MS4A2: variants seen among roughly 807,000 people sequenced by gnomAD.
The protein encoded by MS4A2 is high affinity immunoglobulin epsilon receptor subunit beta.
A neutral mutation model predicts 27.9 loss-of-function variants in MS4A2; 26 were observed. That is an observed-to-expected ratio of 0.93 (90% confidence interval 0.68 to 1.29). The LOEUF is 1.29. MS4A2 is among the 50% of genes most tolerant of loss of function. The probability of loss-of-function intolerance (pLI) is 0.00; values close to 1 mark genes in which losing one functional copy is unlikely to be tolerated. For missense variants in MS4A2, 284 were observed against 284.6 expected (o/e 1.00, Z 0.01); for synonymous variants, 110 against 98.8 (o/e 1.11, Z -0.67).
chr11:60,093,089 TAA>T (rs1246839596), intron 4 of MS4A2, among the ~76,000 whole-genome samples: 1 of 152,176 alleles, frequency 6.6e-6, no homozygotes, highest in Non-Finnish European at 1.5e-5. Context: ...ACGTTTCTTC[TAA>T]AAAAAGTGTC....
At chr11:60,092,915 T>C in intron 4 of MS4A2, 67 bp downstream of exon 4, 1 of 1,441,812 alleles carries the variant, frequency 6.9e-7, no homozygotes. Flanking sequence ...TTAAGAGTCT[T>C]AAGGGAAACA....
intron 2 of MS4A2, among the ~76,000 whole-genome samples, chr11:60,090,023 G>A (rs754345412): frequency 1.3e-5 from 2 of 152,172 alleles, no homozygotes; most frequent in Admixed American, 1.3e-4. Flanking sequence ...TTGCTAGGAC[G>A]AGAATGGCCA....
intron 3 of MS4A2, 24 bp from the exon 4 acceptor site, chr11:60,092,768 T>C (rs74337069): frequency 6.2e-7 from 1 of 1,601,600 alleles, no homozygotes; most frequent in Non-Finnish European, 8.5e-7. Context: ...TCATTGTGGC[T>C]TTTTTTTCCT....
chr11:60,088,850 C>G, intron 1 of MS4A2, 29 bp downstream of exon 1: 2 of 1,596,600 alleles, frequency 1.3e-6, no homozygotes, highest in Non-Finnish European at 1.7e-6. Context: ...TTTTTTCTAC[C>G]CTCAGTCACT....
rs1197460429 is a variant in MS4A2, at chr11:60,090,595, AT to A, written c.321+126del. On this transcript the variant is annotated intron_variant, in intron 3 of 6. Coordinates refer to ENST00000278888, the MANE Select transcript of MS4A2 (RefSeq NM_000139.5). ...TTTATAATTCTTAATTATAAATTAT[AT>A]GTGAGCATATATAACATAGATATGC... The A allele has an allele frequency of 5.8e-6, 5 of 854,742 alleles. No individual in the cohort carries two copies. The Admixed American group carries it at 1.4e-4, about 24-fold the overall frequency. The allele number at this position is 854,742 out of a possible 1,614,324, so 52.9% of individuals were successfully genotyped here. A position where few individuals can be genotyped will look rare whatever the true frequency, so the allele number is the denominator to read the frequency against.
At position 60,097,322 on chromosome 11, in the gene MS4A2, A is replaced by G. The variant is rs1394044711; in HGVS notation, c.*1666A>G. 3 of 152,248 alleles carry G rather than the reference A, an allele frequency of 2.0e-5. No homozygotes were observed. Among genetic ancestry groups the G allele is most frequent in the Non-Finnish European group, 4.4e-5 (3 of 68,040 alleles). 9.4% of individuals were successfully genotyped at this position (152,248 alleles called of 1,614,324 possible). On this transcript the variant is annotated 3_prime_UTR_variant, in exon 7 of 7. Coordinates refer to ENST00000278888, the MANE Select transcript of MS4A2 (RefSeq NM_000139.5). ...AAAATAAGTATCCATCAGAGACAGT[A>G]TCTCTAGGCTTGGGCAAGAGAAAAG...
chr11:60,089,562 A>G, intron 1 of MS4A2, 130 bp from the exon 2 acceptor site: 2 of 1,241,134 alleles, frequency 1.6e-6, no homozygotes. Flanking sequence ...TTTCTTGGTG[A>G]TTACAATGAA....
At chr11:60,090,766 A>G (rs1216964681) in intron 3 of MS4A2, among the ~76,000 whole-genome samples, 2 of 152,232 alleles carry the variant, frequency 1.3e-5, no homozygotes, top group Admixed American at 1.3e-4. Flanking sequence ...TTGAACCTAA[A>G]CTTTCAGAAT....
At chr11:60,089,397 A>G (rs1855714897) in intron 1 of MS4A2, among the ~76,000 whole-genome samples, 2 of 152,220 alleles carry the variant, frequency 1.3e-5, no homozygotes, top group Non-Finnish European at 2.9e-5. Context: ...TTTCAGTTTT[A>G]CTTGTCAACA....
At chr11:60,089,629 C>G (rs34248648) in intron 1 of MS4A2, 63 bp from the exon 2 acceptor site, 1 of 1,604,448 alleles carries the variant, frequency 6.2e-7, no homozygotes, top group Non-Finnish European at 8.5e-7. Flanking sequence ...TTCTGTCTGT[C>G]GAGAATGTTG....
rs149172443 is a variant in MS4A2 at position 60,089,747 on chromosome 11, C to G, written c.112C>G (p.Leu38Val). ...TCCCCAGGAAGTATCTTCAGGCAGA[C>G]TATTGAAGTCGGCCTCATCCCCACC... ...ISPQEVSSGR[L>V]LKSASSPPLH... The change falls in exon 2 of 7, where the codon CTA (leucine) becomes GTA (valine). Residue 38 changes from leucine to valine, a missense_variant. Leu to Val is a conservative substitution (Grantham distance 32, BLOSUM62 1). Coordinates refer to ENST00000278888, the MANE Select transcript of MS4A2 (RefSeq NM_000139.5). 2.8e-4 allele frequency: 450 copies of G among 1,614,202 alleles called. 2 individuals are homozygous for G. The African/African-American group carries it at 5.3e-3, about 19-fold the overall frequency.
chr11:60,089,427 T>A (rs960270685), intron 1 of MS4A2, among the ~76,000 whole-genome samples: 8 of 152,198 alleles, frequency 5.3e-5, no homozygotes, highest in Non-Finnish European at 1.2e-4. Flanking sequence ...GAGAAAGAAC[T>A]TGAAAGTAAC....
rs1394253459 is a variant in MS4A2 at position 60,093,476 on chromosome 11, TGAAGAAGAGCTTG to T, written c.457_469del (p.Lys153ProfsTer26). 3 of 1,614,200 alleles carry T rather than the reference TGAAGAAGAGCTTG, an allele frequency of 1.9e-6. No homozygotes were observed. In the African/African-American group the frequency reaches 4.0e-5, roughly 22 times the overall value. ...GGAATTACCATCCTGATCATCAACC[TGAAGAAGAGCTTG>T]GCCTATATCCACATCCACAGTTGCC... On this transcript the variant is annotated frameshift_variant, in exon 5 of 7. Transcript: ENST00000278888. LOFTEE classifies it high-confidence loss of function.
chr11:60,093,447 A>C lies in MS4A2; in HGVS notation c.426A>C (p.Gly142=), dbSNP rs1855805430. The change falls in exon 5 of 7, where the codon GGA becomes GGC. Residue 142 remains glycine (G), a synonymous_variant. Coordinates refer to ENST00000278888, the MANE Select transcript of MS4A2 (RefSeq NM_000139.5). ...ACACTGCCAGCAGCATAGCTGGGGG[A>C]ACGGGAATTACCATCCTGATCATCA... ...GANTASSIAG[G]TGITILIINL... 3.1e-6 allele frequency: 5 copies of C among 1,614,150 alleles called. No individual in the cohort carries two copies. The African/African-American group carries it at 6.7e-5, about 22-fold the overall frequency.
At position 60,094,011 on chromosome 11, in the gene MS4A2, T is replaced by G. The variant is rs1460049563; in HGVS notation, c.585T>G (p.Ser195Arg). ...MLFLTILGLG[S>R]AVSLTICGAG... is the part of the protein sequence containing the mutation. ...TTCTCACCATTCTGGGACTTGGTAG[T>G]GCTGTGTCACTCACAATCTGTGGAG... is the stretch of plus-strand genomic sequence containing the variant. Residue 195 changes from serine to arginine, a missense_variant, in exon 6 of 7, where the codon AGT becomes AGG. Transcript: ENST00000278888. 1.2e-6 allele frequency: 2 copies of G among 1,614,022 alleles called. No individual in the cohort carries two copies. The highest frequency in any genetic ancestry group is 2.7e-5 in the African/African-American group (2 of 74,932).
At chr11:60,092,141 A>T (rs1471786870) in intron 3 of MS4A2, among the ~76,000 whole-genome samples, 1 of 152,050 alleles carries the variant, frequency 6.6e-6, no homozygotes, top group East Asian at 1.9e-4. Flanking sequence ...TCATGCCCTG[A>T]TGTTGCTGGA....
rs768252306 is a variant in MS4A2 at position 60,090,324 on chromosome 11, G to T, written c.187-12G>T. 6.8e-6 allele frequency: 11 copies of T among 1,611,658 alleles called. No homozygotes were observed. In the Admixed American group the frequency reaches 1.7e-4, roughly 24 times the overall value. ...TTTTTGATTTTCATGAAATTCATGT[G>T]TTTTTCTATAGGTAACACAAATTCT... is the stretch of plus-strand genomic sequence containing the variant. On this transcript the variant is annotated splice_polypyrimidine_tract_variant and intron_variant, in intron 2 of 6. Coordinates refer to ENST00000278888, the MANE Select transcript of MS4A2 (RefSeq NM_000139.5).
chr11:60,095,715 G>T lies in MS4A2; in HGVS notation c.*59G>T, dbSNP rs1855858206. 6.1e-6 allele frequency: 7 copies of T among 1,151,472 alleles called. No individual in the cohort carries two copies. The highest frequency in any genetic ancestry group is 9.2e-6 in the Non-Finnish European group (7 of 759,686). 71.3% of individuals were successfully genotyped at this position (1,151,472 alleles called of 1,614,324 possible). A position where few individuals can be genotyped will look rare whatever the true frequency, so the allele number is the denominator to read the frequency against. ...CAAGGATCCAGAAGGCCAAGGTCTT[G>T]TTAAGGGGCTACTGGAAAAATTTCT... On this transcript the variant is annotated 3_prime_UTR_variant, in exon 7 of 7. Transcript: ENST00000278888.
intron 3 of MS4A2, among the ~76,000 whole-genome samples, chr11:60,090,866 C>T (rs1343030226): frequency 6.6e-6 from 1 of 152,082 alleles, no homozygotes; most frequent in Admixed American, 6.6e-5. Flanking sequence ...AAAATAACAA[C>T]AAAGGCTGGG....
Sources: gnomAD v4.1 joint callset for allele counts (sites outside exome capture counted in the v4.1 genomes callset) on GRCh38, gnomAD v4.1.1 for gene constraint, MANE v1.5 for transcripts, NCBI Gene and HGNC (gene_info 2026-07-23, HGNC 2026-07-21) for gene names.